Variants in SNX29 observed in about 807,000 individuals in gnomAD.
The protein encoded by SNX29 is sorting nexin 29.
In SNX29, 78 loss-of-function variants were observed where a neutral mutation model predicts 102.1. That is an observed-to-expected ratio of 0.76 (90% CI 0.64 to 0.92). The LOEUF is 0.92. Ranked by LOEUF, SNX29 falls within the 40% of genes least tolerant of loss-of-function variation. SNX29 has a pLI of 0.00. For missense variants in SNX29, 1,280 were observed against 1,061.7 expected, an observed-to-expected ratio of 1.21 and a Z score of -2.86; for synonymous variants, 580 against 414.5, an observed-to-expected ratio of 1.40 and a Z score of -4.85.
At chr16:12,522,150 G>A (rs1181570464) in intron 19 of SNX29, among the ~76,000 whole-genome samples, 1 of 152,238 alleles carries the variant, frequency 6.6e-6, no homozygotes, top group Non-Finnish European at 1.5e-5. Context: ...GATGCCCAGT[G>A]AAATTGGAAG....
At chr16:12,111,295 C>T (rs1284064061) in intron 11 of SNX29, among the ~76,000 whole-genome samples, 3 of 152,160 alleles carry the variant, frequency 2.0e-5, no homozygotes, top group Non-Finnish European at 2.9e-5. Context: ...GCTGTGGCCT[C>T]GTTCTGCACT....
intron 14 of SNX29, among the ~76,000 whole-genome samples, chr16:12,245,497 A>G (rs1362128315): frequency 6.6e-6 from 1 of 150,566 alleles, no homozygotes; most frequent in East Asian, 1.9e-4. Context: ...TTTTTTTTGT[A>G]ATGTAGGAGA....
Position 12,477,844 on chromosome 16 carries a change from G to A in SNX29, c.2163G>A (p.Lys721=), listed in dbSNP as rs1308893621. ...QVRAYNFPPK[K]AIGNKDAKFV... ...GGGCCTACAACTTCCCACCCAAAAAGGCCATTGGAAACAAGGTACCATCCC... is the reference window on the plus strand; with the variant it reads ...GGGCCTACAACTTCCCACCCAAAAAAGCCATTGGAAACAAGGTACCATCCC... Residue 721 remains lysine (K), a synonymous_variant, in exon 19 of 21, where the codon AAG becomes AAA. Coordinates refer to ENST00000566228, the MANE Select transcript of SNX29 (RefSeq NM_032167.5). The A allele has an allele frequency of 3.6e-5, 58 of 1,607,000 alleles. No homozygotes were observed. Among genetic ancestry groups the A allele is most frequent in the Admixed American group, 1.4e-4 (8 of 57,508 alleles).
chr16:12,555,524 C>T (rs532002617), intron 20 of SNX29, among the ~76,000 whole-genome samples: 2 of 151,630 alleles, frequency 1.3e-5, no homozygotes, highest in South Asian at 4.2e-4. Context: ...GGACAGCGCC[C>T]CTGCTCTCTG....
At chr16:12,389,320 A>C (rs1172507412) in intron 16 of SNX29, among the ~76,000 whole-genome samples, 1 of 152,078 alleles carries the variant, frequency 6.6e-6, no homozygotes, top group Non-Finnish European at 1.5e-5. Context: ...CACCATTCCC[A>C]CATGTTGTGG....
chr16:12,515,460 C>G (rs536551964), intron 19 of SNX29: 54 of 479,764 alleles, frequency 1.1e-4, no homozygotes, highest in African/African-American at 1.0e-3. Flanking sequence ...ATAGATCAGT[C>G]AGCTCTGAAA....
At chr16:12,478,663 C>T (rs543601118) in intron 19 of SNX29, among the ~76,000 whole-genome samples, 31 of 152,316 alleles carry the variant, frequency 2.0e-4, no homozygotes, top group Middle Eastern at 6.8e-3. Flanking sequence ...TGGTCAGCTT[C>T]AGCCAGGCGG....
In SNX29 at chr16:12,568,780, T is replaced by G; in HGVS notation, c.*151T>G. The G allele has an allele frequency of 8.2e-7, 1 of 1,226,644 alleles. No individual in the cohort carries two copies. The highest frequency in any genetic ancestry group is 1.1e-6 in the Non-Finnish European group (1 of 903,342). 76.0% of individuals were successfully genotyped at this position (1,226,644 alleles called of 1,614,324 possible). The stretch of plus-strand genomic sequence containing the variant: ...TCCCAACAGTTACACAACACCCCGA[T>G]TAAACTAATCAGTCTTCGAGCCGCA... On this transcript the variant is annotated 3_prime_UTR_variant, in exon 21 of 21. Transcript: ENST00000566228.
At chr16:12,432,034 A>T (rs1296086705) in intron 18 of SNX29, among the ~76,000 whole-genome samples, 1 of 152,248 alleles carries the variant, frequency 6.6e-6, no homozygotes, top group Non-Finnish European at 1.5e-5. Context: ...CAGTTCAGCA[A>T]ATAGCACTTT....
intron 16 of SNX29, among the ~76,000 whole-genome samples, chr16:12,358,241 C>T (rs913059287): frequency 1.3e-5 from 2 of 152,272 alleles, no homozygotes; most frequent in Non-Finnish European, 2.9e-5. Flanking sequence ...TACATCCCTG[C>T]TGTGATATTT....
chr16:12,315,778 T>C (rs1052960907), intron 15 of SNX29, among the ~76,000 whole-genome samples: 12 of 152,314 alleles, frequency 7.9e-5, no homozygotes, highest in African/African-American at 2.4e-4. Context: ...ACAGTTCCAA[T>C]AAAACTTATT....
intron 3 of SNX29, among the ~76,000 whole-genome samples, chr16:12,004,976 A>G (rs1190441481): frequency 1.3e-5 from 2 of 152,230 alleles, no homozygotes; most frequent in East Asian, 1.9e-4. Context: ...GCCTAGAAGC[A>G]TCTAGAAGGT....
intron 16 of SNX29, among the ~76,000 whole-genome samples, chr16:12,359,210 C>T (rs567827455): frequency 6.6e-5 from 10 of 152,124 alleles, no homozygotes; most frequent in Non-Finnish European, 1.3e-4. Context: ...AGCTGGTGTC[C>T]GCTGCAGAAC....
chr16:12,534,247 C>T (rs1348874803), intron 20 of SNX29, among the ~76,000 whole-genome samples: 1 of 152,248 alleles, frequency 6.6e-6, no homozygotes, highest in African/African-American at 2.4e-5. Context: ...GAGATGTCTG[C>T]TCAGTGCCCA....
At chr16:12,480,288 G>A (rs752394152) in intron 19 of SNX29, among the ~76,000 whole-genome samples, 6 of 152,184 alleles carry the variant, frequency 3.9e-5, no homozygotes, top group Non-Finnish European at 7.3e-5. Context: ...TGGAGCCCCA[G>A]GAGAGAGTTT....
At chr16:12,520,521 G>C (rs1047509006) in intron 19 of SNX29, among the ~76,000 whole-genome samples, 3 of 152,174 alleles carry the variant, frequency 2.0e-5, no homozygotes, top group Non-Finnish European at 2.9e-5. Flanking sequence ...ACACAGGGCA[G>C]GGAAATCTCT....
chr16:12,556,356 G>C (rs1343173729), intron 20 of SNX29: 5 of 152,216 alleles, frequency 3.3e-5, no homozygotes, highest in African/African-American at 4.8e-5. Flanking sequence ...CACTCACCTG[G>C]TTGAGTATAC....
chr16:12,302,098 G>A (rs1048736619), intron 15 of SNX29, among the ~76,000 whole-genome samples: 1 of 152,200 alleles, frequency 6.6e-6, no homozygotes, highest in African/African-American at 2.4e-5. Context: ...TAGAATGTGT[G>A]TGTGACCCAG....
chr16:12,212,625 G>C (rs1010366486), intron 14 of SNX29, among the ~76,000 whole-genome samples: 1 of 152,084 alleles, frequency 6.6e-6, no homozygotes, highest in African/African-American at 2.4e-5. Context: ...TTTGTAGGCC[G>C]TTTGTATATC....
Sources: gnomAD v4.1 joint callset for allele counts (sites outside exome capture counted in the v4.1 genomes callset) on GRCh38, gnomAD v4.1.1 for gene constraint, MANE v1.5 for transcripts, NCBI Gene and HGNC (gene_info 2026-07-23, HGNC 2026-07-21) for gene names.